DOK6: variants seen among roughly 807,000 people sequenced by gnomAD.
The protein encoded by DOK6 is docking protein 6, also known as downstream of tyrosine kinase 6.
In DOK6, 22 loss-of-function variants were observed where a neutral mutation model predicts 44.0. The ratio of observed to expected loss-of-function variants is 0.50; its 90% CI spans 0.36 to 0.71. The LOEUF is 0.71. DOK6 is among the 30% of genes least tolerant of loss of function. The pLI is 0.00. For missense variants in DOK6, 340 were observed against 416.4 expected (o/e 0.82, Z 1.60); for synonymous variants, 166 against 145.5 (o/e 1.14, Z -1.01).
At chr18:69,702,458 T>C (rs1047246906) in intron 5 of DOK6, among the ~76,000 whole-genome samples, 4 of 152,146 alleles carry the variant, frequency 2.6e-5, no homozygotes, top group African/African-American at 4.8e-5. Context: ...AGAGCTTCAA[T>C]TGAAGTGAGG....
chr18:69,841,104 A>G, intron 7 of DOK6, 140 bp from the exon 8 acceptor site: 1 of 1,041,496 alleles, frequency 9.6e-7, no homozygotes, highest in Non-Finnish European at 1.4e-6. Flanking sequence ...CTTGAGCTCA[A>G]TATTGAGGAT....
intron 2 of DOK6, among the ~76,000 whole-genome samples, chr18:69,567,832 A>C (rs1983021237): frequency 6.6e-6 from 1 of 152,224 alleles, no homozygotes; most frequent in Admixed American, 6.5e-5. Context: ...GGCTTTACTC[A>C]GCAGCTCTCT....
chr18:69,747,323 T>C (rs926075305), intron 6 of DOK6, among the ~76,000 whole-genome samples: 1 of 152,158 alleles, frequency 6.6e-6, no homozygotes, highest in African/African-American at 2.4e-5. Context: ...TTTATACAAA[T>C]GAATTTTATG....
chr18:69,681,376 A>G (rs1486152247), intron 4 of DOK6, among the ~76,000 whole-genome samples: 1 of 152,236 alleles, frequency 6.6e-6, no homozygotes, highest in Non-Finnish European at 1.5e-5. Context: ...TTATACAAAT[A>G]ATTTTTAAAG....
chr18:69,401,378 G>T (rs955904265), intron 1 of DOK6, 68 bp downstream of exon 1: 56 of 1,412,302 alleles, frequency 4.0e-5, no homozygotes, highest in Admixed American at 1.3e-4. Context: ...CTGGGGGGGG[G>T]GCAGGGAGAG....
intron 3 of DOK6, among the ~76,000 whole-genome samples, chr18:69,671,525 C>T (rs114322544): frequency 0.017 from 2,571 of 152,198 alleles, 90 homozygotes; most frequent in African/African-American, 0.059. Context: ...CTTCAGGTTG[C>T]ATAAATATTC....
At chr18:69,423,146 T>C (rs1488028973) in intron 1 of DOK6, among the ~76,000 whole-genome samples, 1 of 152,070 alleles carries the variant, frequency 6.6e-6, no homozygotes, top group African/African-American at 2.4e-5. Flanking sequence ...CTACGAAGAA[T>C]ACAAAAATTA....
intron 7 of DOK6, among the ~76,000 whole-genome samples, chr18:69,804,682 A>G (rs1010422377): frequency 6.6e-6 from 1 of 152,210 alleles, no homozygotes. Context: ...TGTTATTTCT[A>G]TCTTCATTCT....
At chr18:69,434,185 G>A (rs1249406791) in intron 1 of DOK6, among the ~76,000 whole-genome samples, 1 of 152,198 alleles carries the variant, frequency 6.6e-6, no homozygotes, top group Non-Finnish European at 1.5e-5. Context: ...CAGTCAGAGT[G>A]ATGTTTGAGA....
At chr18:69,629,191 A>G (rs1984630117) in intron 3 of DOK6, among the ~76,000 whole-genome samples, 1 of 152,196 alleles carries the variant, frequency 6.6e-6, no homozygotes, top group Non-Finnish European at 1.5e-5. Context: ...ATCTATGCAG[A>G]GGTTCATTTG....
chr18:69,404,315 C>G (rs925437391), intron 1 of DOK6, among the ~76,000 whole-genome samples: 10 of 152,140 alleles, frequency 6.6e-5, no homozygotes, highest in Non-Finnish European at 1.5e-4. Context: ...ACTGGGGAAG[C>G]TAGCAACCTG....
At chr18:69,768,957 G>GTGTGTGTGTGTGTGTGTA (rs1163887750) in intron 7 of DOK6, among the ~76,000 whole-genome samples, 12 of 149,870 alleles carry the variant, frequency 8.0e-5, no homozygotes, top group Non-Finnish European at 1.8e-4. Flanking sequence ...GGGTGTGCGT[G>GTGTGTGTGTGTGTGTGTA]TGTGTGTGTG....
chr18:69,611,067 TTTA>T (rs1984127314), intron 3 of DOK6, among the ~76,000 whole-genome samples: 1 of 145,782 alleles, frequency 6.9e-6, no homozygotes, highest in Admixed American at 7.1e-5. Context: ...AATTTTAATT[TTTA>T]TGTACCCATA....
chr18:69,718,452 A>G (rs993481165), intron 5 of DOK6, among the ~76,000 whole-genome samples: 1 of 152,206 alleles, frequency 6.6e-6, no homozygotes, highest in African/African-American at 2.4e-5. Flanking sequence ...GATTCAGAAA[A>G]CAGTAAACTC....
chr18:69,578,139 A>G (rs1417873596), intron 2 of DOK6, among the ~76,000 whole-genome samples: 4 of 152,174 alleles, frequency 2.6e-5, no homozygotes, highest in Non-Finnish European at 5.9e-5. Flanking sequence ...GACTTAGAGT[A>G]TATAGCAGCA....
At chr18:69,415,449 G>A (rs1056560904) in intron 1 of DOK6, among the ~76,000 whole-genome samples, 5 of 152,004 alleles carry the variant, frequency 3.3e-5, no homozygotes, top group African/African-American at 9.7e-5. Flanking sequence ...AACAGATAAA[G>A]GGGAAAGGTG....
chr18:69,404,699 A>C (rs762644677), intron 1 of DOK6, among the ~76,000 whole-genome samples: 1 of 152,140 alleles, frequency 6.6e-6, no homozygotes, highest in Non-Finnish European at 1.5e-5. Context: ...AGTGTCTTCT[A>C]CAGACATTTT....
intron 1 of DOK6, among the ~76,000 whole-genome samples, chr18:69,474,654 T>C (rs953041733): frequency 6.6e-5 from 10 of 152,330 alleles, no homozygotes; most frequent in African/African-American, 2.4e-4. Context: ...TATATAGCAC[T>C]CCTTGGGGAA....
intron 3 of DOK6, among the ~76,000 whole-genome samples, chr18:69,641,410 C>T (rs1294083887): frequency 1.3e-5 from 2 of 152,046 alleles, no homozygotes; most frequent in Admixed American, 1.3e-4. Flanking sequence ...GCTTACAAAA[C>T]CTTAGCTAAT....
Sources: gnomAD v4.1 joint callset for allele counts (sites outside exome capture counted in the v4.1 genomes callset) on GRCh38, gnomAD v4.1.1 for gene constraint, MANE v1.5 for transcripts, NCBI Gene and HGNC (gene_info 2026-07-23, HGNC 2026-07-21) for gene names.